RARS2: variants seen among roughly 807,000 people sequenced by gnomAD.
The protein encoded by RARS2 is arginyl-tRNA synthetase 2, mitochondrial.
In RARS2, 67 loss-of-function variants were observed where a neutral mutation model predicts 88.5. The observed-to-expected ratio is 0.76, with a 90% CI of 0.62 to 0.93. RARS2 has a LOEUF of 0.93. Ranked by LOEUF, RARS2 falls within the 40% of genes least tolerant of loss-of-function variation. The pLI is 0.00. For missense variants in RARS2, 664 were observed against 684.2 expected (o/e 0.97, Z 0.33); for synonymous variants, 239 against 230.3 (o/e 1.04, Z -0.34).
intron 1 of RARS2, among the ~76,000 whole-genome samples, chr6:87,586,291 A>G (rs915330863): frequency 6.6e-6 from 1 of 152,204 alleles, no homozygotes; most frequent in African/African-American, 2.4e-5. Context: ...TTGCTGAAGA[A>G]AGGAATCCAA....
At chr6:87,588,432 A>G (rs1702388301) in intron 1 of RARS2, among the ~76,000 whole-genome samples, 1 of 152,108 alleles carries the variant, frequency 6.6e-6, no homozygotes, top group Admixed American at 6.6e-5. Flanking sequence ...CAGTGGCACA[A>G]TCATAGCTCA....
At chr6:87,528,880 C>G (rs2128054473) in intron 10 of RARS2, among the ~76,000 whole-genome samples, 1 of 152,260 alleles carries the variant, frequency 6.6e-6, no homozygotes, top group East Asian at 1.9e-4. Flanking sequence ...TAAATGTTCT[C>G]ATCATAGGTA....
At chr6:87,569,206 TTTTA>T (rs1340974440) in intron 2 of RARS2, among the ~76,000 whole-genome samples, 5 of 152,228 alleles carry the variant, frequency 3.3e-5, no homozygotes, top group Non-Finnish European at 5.9e-5. Context: ...ATTTTAGTTA[TTTTA>T]TTTATTGTTA....
At chr6:87,549,818 G>GA (rs1210187721) in intron 5 of RARS2, among the ~76,000 whole-genome samples, 3 of 152,170 alleles carry the variant, frequency 2.0e-5, no homozygotes, top group Admixed American at 6.5e-5. Flanking sequence ...CTGGGACAAC[G>GA]AAGAGAGATG....
chr6:87,580,510 C>T (rs1451718920), intron 1 of RARS2, among the ~76,000 whole-genome samples: 1 of 150,792 alleles, frequency 6.6e-6, no homozygotes, highest in African/African-American at 2.4e-5. Context: ...TGCAGTTGCT[C>T]ATGCCTGTAA....
intron 1 of RARS2, among the ~76,000 whole-genome samples, chr6:87,579,767 G>A (rs570140808): frequency 1.9e-4 from 21 of 111,946 alleles, no homozygotes; most frequent in East Asian, 1.5e-3. Flanking sequence ...TCGCTCTGTC[G>A]CCAGGCTGGA....
At chr6:87,539,903 A>G (rs1472623896) in intron 8 of RARS2, among the ~76,000 whole-genome samples, 3 of 152,188 alleles carry the variant, frequency 2.0e-5, no homozygotes, top group Non-Finnish European at 2.9e-5. Context: ...TGAAAGATTA[A>G]GCTTGAGGTA....
At position 87,514,102 on chromosome 6, in the gene RARS2, G is replaced by A. The variant is rs993069844; in HGVS notation, c.*311C>T. Among the ~76,000 whole-genome samples, 1 of 152,038 alleles carries A rather than the reference G, an allele frequency of 6.6e-6. No individual in the cohort carries two copies. On this transcript the variant is annotated 3_prime_UTR_variant, in exon 20 of 20. Transcript: ENST00000369536. ...CAAGGCAGACAGATAACCTGAGGTC[G>A]GGAGTGCAAGACCAGCCTGACCAAC... is the stretch of plus-strand genomic sequence containing the variant.
At chr6:87,582,995 T>C (rs1377169913) in intron 1 of RARS2, among the ~76,000 whole-genome samples, 7 of 152,188 alleles carry the variant, frequency 4.6e-5, no homozygotes, top group Admixed American at 1.3e-4. Context: ...GACTGGAATA[T>C]GGACTGTAAG....
rs369625550 is a variant in RARS2, at chr6:87,579,662, AAGAG to A, written c.37-10076_37-10073del. ...TCAAATGGGTGCAGCATAAAAAAAA[AAGAG>A]AGAGAGAGAGAAAATAAAACAAATT... On this transcript the variant is annotated intron_variant, in intron 1 of 19. Transcript: ENST00000369536. Among the ~76,000 whole-genome samples the A allele has an allele frequency of 9.0e-4, 136 of 150,920 alleles. No individual in the cohort carries two copies. In the East Asian group the frequency reaches 0.02, roughly 22 times the overall value.
rs1770827948 is a variant in RARS2 at position 87,514,356 on chromosome 6, A to G, written c.*57T>C. On this transcript the variant is annotated 3_prime_UTR_variant, in exon 20 of 20. Coordinates refer to ENST00000369536, the MANE Select transcript of RARS2 (RefSeq NM_020320.5). ...TTAAATTTATTCTGAACAGCAAGGC[A>G]TCTCAGAATAGATAACTAGAATTCA... is the stretch of plus-strand genomic sequence containing the variant. 1.7e-6 allele frequency: 2 copies of G among 1,204,718 alleles called. No individual in the cohort carries two copies. Among genetic ancestry groups the G allele is most frequent in the Non-Finnish European group, 2.5e-6 (2 of 810,296 alleles). 74.6% of individuals were successfully genotyped at this position (1,204,718 alleles called of 1,614,324 possible).
intron 2 of RARS2, among the ~76,000 whole-genome samples, chr6:87,568,853 A>C (rs1178087257): frequency 1.3e-5 from 2 of 152,232 alleles, no homozygotes; most frequent in Admixed American, 1.3e-4. Flanking sequence ...TTCTTTTCAA[A>C]GCTTAGGACT....
intron 11 of RARS2, among the ~76,000 whole-genome samples, chr6:87,523,381 T>G (rs1774610875): frequency 6.6e-6 from 1 of 152,176 alleles, no homozygotes; most frequent in African/African-American, 2.4e-5. Flanking sequence ...TTGTCTGCTA[T>G]AACAACTTTC....
intron 17 of RARS2, among the ~76,000 whole-genome samples, chr6:87,517,679 C>T (rs1381225047): frequency 1.3e-5 from 2 of 152,106 alleles, no homozygotes; most frequent in Non-Finnish European, 2.9e-5. Context: ...TTGGCTTCAC[C>T]AACAATGCCC....
intron 5 of RARS2, among the ~76,000 whole-genome samples, chr6:87,553,108 C>A (rs1784844153): frequency 2.0e-5 from 3 of 152,114 alleles, no homozygotes; most frequent in Admixed American, 2.0e-4. Context: ...CAGAAAGTGA[C>A]AAAAATGATG....
chr6:87,566,158 T>A (rs889964782), intron 2 of RARS2, among the ~76,000 whole-genome samples: 3 of 151,906 alleles, frequency 2.0e-5, no homozygotes, highest in African/African-American at 7.3e-5. Flanking sequence ...AGAAAAAAAA[T>A]TTATATTAAA....
rs1562038662 is a variant in RARS2 at position 87,514,418 on chromosome 6, T to A, written c.1732A>T (p.Met578Leu). 1 of 1,598,532 alleles carries A rather than the reference T, an allele frequency of 6.3e-7. No homozygotes were observed. The highest frequency in any genetic ancestry group is 2.2e-5 in the East Asian group (1 of 44,758). Residue 578 changes from methionine (M) to leucine (L), a missense_variant, in exon 20 of 20, where the codon ATG becomes TTG. Coordinates refer to ENST00000369536, the MANE Select transcript of RARS2 (RefSeq NM_020320.5). ...AAAAGCCATTTTAATGGAAATTACA[T>A]CCTACATACAGGTGTTATTCCAAGA... The part of the protein sequence containing the change: ...KLLGITPVCR[M>L]
intron 5 of RARS2, 100 bp from the exon 6 acceptor site, chr6:87,548,746 G>T: frequency 1.8e-6 from 2 of 1,099,864 alleles, no homozygotes. Context: ...GTGGAGTATG[G>T]CCTTTGGTAT....
intron 5 of RARS2, among the ~76,000 whole-genome samples, chr6:87,552,275 C>T (rs1205130385): frequency 6.6e-6 from 1 of 152,128 alleles, no homozygotes; most frequent in African/African-American, 2.4e-5. Flanking sequence ...TCTCTTCTCC[C>T]ACCTCTCTCA....
Sources: gnomAD v4.1 joint callset for allele counts (sites outside exome capture counted in the v4.1 genomes callset) on GRCh38, gnomAD v4.1.1 for gene constraint, MANE v1.5 for transcripts, NCBI Gene and HGNC (gene_info 2026-07-23, HGNC 2026-07-21) for gene names.